LGR5: variants seen among roughly 807,000 people sequenced by gnomAD.
The protein encoded by LGR5 is leucine rich repeat containing G protein-coupled receptor 5.
LGR5 carries 54 observed loss-of-function variants against 76.7 expected under a neutral mutation model. The ratio of observed to expected loss-of-function variants is 0.70; its 90% CI spans 0.57 to 0.88. The LOEUF (loss-of-function observed/expected upper bound fraction) is 0.88. Ranked by LOEUF, LGR5 falls within the 40% of genes least tolerant of loss-of-function variation. The pLI is 0.00. For missense variants in LGR5, 1,078 were observed against 1,073.3 expected, an observed-to-expected ratio of 1.00 and a Z score of -0.06; for synonymous variants, 406 against 421.9, an observed-to-expected ratio of 0.96 and a Z score of 0.46.
At chr12:71,524,500 G>T in intron 3 of LGR5, 23 bp downstream of exon 3, 1 of 1,553,046 alleles carries the variant, frequency 6.4e-7, no homozygotes, top group South Asian at 1.1e-5. Flanking sequence ...AGTGTTGTTG[G>T]ATATATTTCT....
intron 2 of LGR5, among the ~76,000 whole-genome samples, chr12:71,514,143 A>AG (rs1450358830): frequency 2.6e-5 from 4 of 152,162 alleles, no homozygotes; most frequent in African/African-American, 9.7e-5. Flanking sequence ...TTTAAAAGAA[A>AG]GGGTAGAGGG....
At chr12:71,549,591 T>G (rs1877374813) in intron 4 of LGR5, among the ~76,000 whole-genome samples, 2 of 152,210 alleles carry the variant, frequency 1.3e-5, no homozygotes, top group Admixed American at 1.3e-4. Flanking sequence ...CAATTATTCC[T>G]TAACAAAGCT....
chr12:71,570,896 T>C (rs1348177913), intron 11 of LGR5, among the ~76,000 whole-genome samples: 13 of 152,172 alleles, frequency 8.5e-5, no homozygotes, highest in Non-Finnish European at 7.4e-5. Flanking sequence ...TATATCTATG[T>C]TACGTTATCT....
chr12:71,490,931 A>G (rs1335543358), intron 1 of LGR5, among the ~76,000 whole-genome samples: 1 of 152,162 alleles, frequency 6.6e-6, no homozygotes, highest in African/African-American at 2.4e-5. Context: ...CTCATCTTGA[A>G]TTGTAGCTCC....
chr12:71,581,134 T>A (rs1270312650), intron 16 of LGR5, among the ~76,000 whole-genome samples: 1 of 152,220 alleles, frequency 6.6e-6, no homozygotes, highest in Non-Finnish European at 1.5e-5. Flanking sequence ...ATTTTCATTC[T>A]TATGGCCTGG....
At chr12:71,485,391 G>T (rs1365469898) in intron 1 of LGR5, among the ~76,000 whole-genome samples, 2 of 152,098 alleles carry the variant, frequency 1.3e-5, no homozygotes, top group African/African-American at 4.8e-5. Flanking sequence ...TCAGAAGCAA[G>T]CATTTAATTT....
intron 2 of LGR5, among the ~76,000 whole-genome samples, chr12:71,508,213 C>T (rs1050090746): frequency 2.0e-5 from 3 of 151,876 alleles, no homozygotes; most frequent in Non-Finnish European, 4.4e-5. Flanking sequence ...GGTGACAGTG[C>T]GAGACTCCGT....
chr12:71,544,936 G>A (rs1348905038), intron 4 of LGR5, among the ~76,000 whole-genome samples: 2 of 152,068 alleles, frequency 1.3e-5, no homozygotes, highest in Admixed American at 1.3e-4. Flanking sequence ...ACAATGTACT[G>A]TTTAAGAGGG....
At chr12:71,571,463 T>C in intron 11 of LGR5, 51 bp from the exon 12 acceptor site, 1 of 1,344,934 alleles carries the variant, frequency 7.4e-7, no homozygotes, top group Non-Finnish European at 1.1e-6. Flanking sequence ...GCATGTTTCT[T>C]TATGATTTAT....
intron 3 of LGR5, among the ~76,000 whole-genome samples, chr12:71,527,570 A>G (rs986549008): frequency 3.3e-5 from 5 of 152,348 alleles, no homozygotes; most frequent in Non-Finnish European, 4.4e-5. Context: ...TTGTACTCCA[A>G]ACATTTTTAA....
intron 1 of LGR5, among the ~76,000 whole-genome samples, chr12:71,481,237 C>A (rs570120331): frequency 6.6e-6 from 1 of 152,176 alleles, no homozygotes; most frequent in South Asian, 2.1e-4. Context: ...CTGATGATAT[C>A]CCTCCCCTTA....
intron 1 of LGR5, among the ~76,000 whole-genome samples, chr12:71,451,154 A>G (rs1872235257): frequency 6.6e-6 from 1 of 152,218 alleles, no homozygotes; most frequent in African/African-American, 2.4e-5. Context: ...CAGAAGAGGG[A>G]AAGTGAAGAA....
intron 3 of LGR5, among the ~76,000 whole-genome samples, chr12:71,525,989 T>C (rs936553239): frequency 6.6e-6 from 1 of 152,012 alleles, no homozygotes; most frequent in Non-Finnish European, 1.5e-5. Context: ...AATGTTTGTT[T>C]CCCACAATGC....
chr12:71,570,681 T>C (rs2137453191), intron 11 of LGR5, among the ~76,000 whole-genome samples: 1 of 152,262 alleles, frequency 6.6e-6, no homozygotes, highest in South Asian at 2.1e-4. Flanking sequence ...GCGGAGTAAA[T>C]GGACTTTATT....
chr12:71,549,564 A>G (rs1258452985), intron 4 of LGR5, among the ~76,000 whole-genome samples: 1 of 152,186 alleles, frequency 6.6e-6, no homozygotes, highest in African/African-American at 2.4e-5. Flanking sequence ...CCATAAATAT[A>G]TGCAATTTTT....
chr12:71,559,200 G>C (rs183603927), intron 6 of LGR5, among the ~76,000 whole-genome samples: 1 of 152,186 alleles, frequency 6.6e-6, no homozygotes, highest in South Asian at 2.1e-4. Context: ...CAGGAGCCCT[G>C]AGGAGTGCAA....
At chr12:71,580,481 A>C in intron 16 of LGR5, 58 bp downstream of exon 16, 1 of 1,531,084 alleles carries the variant, frequency 6.5e-7, no homozygotes, top group Non-Finnish European at 8.9e-7. Flanking sequence ...AACACATGGA[A>C]ATGAATTATG....
chr12:71,512,705 C>T (rs183885847), intron 2 of LGR5, among the ~76,000 whole-genome samples: 4 of 152,080 alleles, frequency 2.6e-5, no homozygotes, highest in Non-Finnish European at 2.9e-5. Flanking sequence ...GTTATGAAAT[C>T]GGGTGTCAGG....
At chr12:71,510,886 C>T (rs946235407) in intron 2 of LGR5, among the ~76,000 whole-genome samples, 15 of 151,842 alleles carry the variant, frequency 9.9e-5, no homozygotes, top group African/African-American at 3.1e-4. Flanking sequence ...GTGGGAAGAA[C>T]GTGATGTGTT....
Sources: allele counts gnomAD v4.1 joint callset (sites outside exome capture counted in the v4.1 genomes callset), GRCh38; gene constraint gnomAD v4.1.1; transcripts MANE v1.5; gene names NCBI Gene and HGNC (gene_info 2026-07-23, HGNC 2026-07-21).